The following KDM2A variants were observed in gnomAD, a reference collection of about 807,000 sequenced individuals.
The protein encoded by KDM2A is lysine demethylase 2A, also known as lysine-specific demethylase 2A.
Under a neutral mutation model 137.3 loss-of-function variants are expected in KDM2A, and 3 were observed. The observed-to-expected ratio is 0.02, with a 90% CI of 0.01 to 0.06. The LOEUF is 0.06. Ranked by LOEUF, KDM2A falls within the 10% of genes least tolerant of loss-of-function variation. The probability of loss-of-function intolerance (pLI) is 1.00; values close to 1 mark genes in which losing one functional copy is unlikely to be tolerated. For synonymous variants in KDM2A, 512 were observed against 541.5 expected, an observed-to-expected ratio of 0.95 and a Z score of 0.76; for missense variants, 738 against 1,510.6, an observed-to-expected ratio of 0.49 and a Z score of 8.48.
intron 2 of KDM2A, among the ~76,000 whole-genome samples, chr11:67,169,234 G>A (rs184134886): frequency 2.0e-5 from 3 of 151,958 alleles, no homozygotes; most frequent in Middle Eastern, 3.4e-3. Context: ...GATTACAGGC[G>A]TGAGCCACTG....
intron 1 of KDM2A, among the ~76,000 whole-genome samples, chr11:67,120,810 C>T (rs916315556): frequency 7.9e-5 from 12 of 151,954 alleles, no homozygotes; most frequent in African/African-American, 2.4e-4. Flanking sequence ...CCCTTCTTTC[C>T]TTTAGTTTCT....
chr11:67,241,643 G>A (rs1251437403), intron 12 of KDM2A, among the ~76,000 whole-genome samples: 1 of 152,196 alleles, frequency 6.6e-6, no homozygotes. Context: ...ACCTAGGGTA[G>A]CCAGAAAAGG....
chr11:67,133,574 T>C (rs1202644918), intron 2 of KDM2A, among the ~76,000 whole-genome samples: 1 of 151,756 alleles, frequency 6.6e-6, no homozygotes, highest in African/African-American at 2.4e-5. Flanking sequence ...GGCCAATTTT[T>C]ATATTTTTAG....
At chr11:67,125,332 C>T (rs927119072) in intron 2 of KDM2A, among the ~76,000 whole-genome samples, 2 of 151,932 alleles carry the variant, frequency 1.3e-5, no homozygotes, top group South Asian at 2.1e-4. Flanking sequence ...AGCCCTGTGC[C>T]ACCATGCCTG....
intron 6 of KDM2A, 23 bp from the exon 7 acceptor site, chr11:67,215,317 G>T: frequency 6.6e-7 from 1 of 1,524,342 alleles, no homozygotes; most frequent in South Asian, 1.1e-5. Context: ...TGGAGCCCAA[G>T]TGTTTCCTCC....
chr11:67,186,796 A>G (rs1857217234), intron 5 of KDM2A, among the ~76,000 whole-genome samples: 1 of 152,182 alleles, frequency 6.6e-6, no homozygotes, highest in Non-Finnish European at 1.5e-5. Flanking sequence ...AACGGGGTAT[A>G]GTGGTATATG....
At chr11:67,143,020 CTT>C (rs1194089199) in intron 2 of KDM2A, among the ~76,000 whole-genome samples, 7 of 126,408 alleles carry the variant, frequency 5.5e-5, no homozygotes, top group Admixed American at 1.6e-4. Context: ...TATATCTATT[CTT>C]TTTTTTTTTT....
At chr11:67,218,372 C>T (rs549563282) in intron 9 of KDM2A, among the ~76,000 whole-genome samples, 144 of 152,276 alleles carry the variant, frequency 9.5e-4, no homozygotes, top group South Asian at 8.9e-3. Flanking sequence ...AGATACTACG[C>T]TTAGAGCAAA....
At chr11:67,179,959 C>G in intron 2 of KDM2A, 120 bp from the exon 3 acceptor site, 1 of 936,974 alleles carries the variant, frequency 1.1e-6, no homozygotes, top group East Asian at 2.6e-5. Context: ...ATCCATAAGG[C>G]AAGGAAAATA....
At chr11:67,157,483 G>A (rs1283944196) in intron 2 of KDM2A, among the ~76,000 whole-genome samples, 1 of 151,720 alleles carries the variant, frequency 6.6e-6, no homozygotes, top group Non-Finnish European at 1.5e-5. Flanking sequence ...AGTGGCTCAC[G>A]CTTGTAATCC....
At chr11:67,199,600 A>G (rs2136365439) in intron 5 of KDM2A, among the ~76,000 whole-genome samples, 1 of 152,322 alleles carries the variant, frequency 6.6e-6, no homozygotes, top group African/African-American at 2.4e-5. Context: ...GATTCTCTTT[A>G]ATTCTGTAAA....
At chr11:67,213,178 T>C (rs538633056) in intron 6 of KDM2A, among the ~76,000 whole-genome samples, 2 of 152,218 alleles carry the variant, frequency 1.3e-5, no homozygotes, top group Non-Finnish European at 2.9e-5. Context: ...CTGCTTCATA[T>C]CATGCACAAC....
intron 2 of KDM2A, among the ~76,000 whole-genome samples, chr11:67,136,713 AG>A (rs2136288958): frequency 2.0e-5 from 3 of 152,290 alleles, no homozygotes; most frequent in Non-Finnish European, 4.4e-5. Context: ...CTGGGGCCCT[AG>A]GTATAGGGAA....
At chr11:67,252,573 G>T in intron 17 of KDM2A, 121 bp from the exon 18 acceptor site, 1 of 1,108,056 alleles carries the variant, frequency 9.0e-7, no homozygotes, top group Non-Finnish European at 1.3e-6. Flanking sequence ...TGTGATCCCT[G>T]TACACTTGTA....
At chr11:67,219,092 G>C (rs991259351) in intron 9 of KDM2A, among the ~76,000 whole-genome samples, 196 bp from the exon 10 acceptor site, 2 of 152,196 alleles carry the variant, frequency 1.3e-5, no homozygotes, top group African/African-American at 4.8e-5. Context: ...TAATGCTCAT[G>C]AGCAACCATA....
chr11:67,168,000 C>T (rs992090342), intron 2 of KDM2A, among the ~76,000 whole-genome samples: 3 of 152,108 alleles, frequency 2.0e-5, no homozygotes, highest in Non-Finnish European at 2.9e-5. Flanking sequence ...GGGCCTAAGG[C>T]TTAGTCATTG....
chr11:67,122,737 G>A (rs1022874108), intron 2 of KDM2A, among the ~76,000 whole-genome samples: 4 of 150,750 alleles, frequency 2.7e-5, no homozygotes, highest in Non-Finnish European at 4.4e-5. Flanking sequence ...GTGCAGTGGC[G>A]CAATCTCTGC....
chr11:67,199,474 G>T (rs1354969503), intron 5 of KDM2A, among the ~76,000 whole-genome samples: 1 of 152,204 alleles, frequency 6.6e-6, no homozygotes, highest in African/African-American at 2.4e-5. Context: ...TGAACATGGG[G>T]ATAAGAAAGA....
intron 2 of KDM2A, 73 bp downstream of exon 2, chr11:67,121,431 A>G: frequency 7.0e-7 from 1 of 1,432,626 alleles, no homozygotes; most frequent in East Asian, 2.3e-5. Context: ...AGTTGTGAAT[A>G]TACTGTGAAT....
Sources: gnomAD v4.1 joint callset for allele counts (sites outside exome capture counted in the v4.1 genomes callset) on GRCh38, gnomAD v4.1.1 for gene constraint, MANE v1.5 for transcripts, NCBI Gene and HGNC (gene_info 2026-07-23, HGNC 2026-07-21) for gene names.